The following MTX2 variants were observed in gnomAD, a reference collection of about 807,000 sequenced individuals.
MTX2 encodes metaxin 2.
MTX2 carries 35 observed loss-of-function variants against 42.3 expected under a neutral mutation model. The ratio of observed to expected loss-of-function variants is 0.83; its 90% CI spans 0.63 to 1.10. The LOEUF (loss-of-function observed/expected upper bound fraction) is 1.10. Ranked by LOEUF, MTX2 falls within the 50% of genes least tolerant of loss-of-function variation. The pLI is 0.00. For missense variants in MTX2, 307 were observed against 304.1 expected, an observed-to-expected ratio of 1.01 and a Z score of -0.07; for synonymous variants, 119 against 100.9, an observed-to-expected ratio of 1.18 and a Z score of -1.08.
intron 3 of MTX2, among the ~76,000 whole-genome samples, chr2:176,315,922 A>T (rs558040528): frequency 3.9e-5 from 6 of 152,144 alleles, no homozygotes; most frequent in Non-Finnish European, 5.9e-5. Flanking sequence ...TAATAGCCAT[A>T]CCTTTACACT....
At position 176,333,163 on chromosome 2, in the gene MTX2, A is replaced by G. The variant is rs944488434; in HGVS notation, c.620+2503A>G. Among the ~76,000 whole-genome samples the G allele has an allele frequency of 2.0e-5, 3 of 151,668 alleles. No individual in the cohort carries two copies. The East Asian group carries it at 5.8e-4, about 29-fold the overall frequency. On this transcript the variant is annotated intron_variant, in intron 9 of 9. Coordinates refer to ENST00000249442, the MANE Select transcript of MTX2 (RefSeq NM_006554.5). ...ATATTTTTCTAATAAAAAGTCTATA[A>G]AGATAAATGCAATAATATATGAAAC...
chr2:176,335,760 A>G (rs1159051940), intron 9 of MTX2, among the ~76,000 whole-genome samples: 1 of 152,034 alleles, frequency 6.6e-6, no homozygotes, highest in East Asian at 1.9e-4. Context: ...GGTTTGGGAT[A>G]CTGTAAATTA....
chr2:176,302,869 ATTAT>A (rs1684059388), intron 3 of MTX2, among the ~76,000 whole-genome samples: 1 of 152,194 alleles, frequency 6.6e-6, no homozygotes, highest in Non-Finnish European at 1.5e-5. Context: ...GGATGTATTA[ATTAT>A]TGGCTAATGC....
intron 3 of MTX2, among the ~76,000 whole-genome samples, chr2:176,298,112 T>C (rs1270152716): frequency 8.1e-6 from 1 of 123,832 alleles, no homozygotes. Context: ...AAAATAAACA[T>C]AAATTTTTTT....
In MTX2 at chr2:176,300,694, G is replaced by T. The variant is rs184393039; in HGVS notation, c.135+2799G>T. Among the ~76,000 whole-genome samples the T allele has an allele frequency of 5.8e-3, 881 of 152,030 alleles. 4 individuals carry two copies. Among genetic ancestry groups the T allele is most frequent in the African/African-American group, 0.02 (829 of 41,494 alleles). On this transcript the variant is annotated intron_variant, in intron 3 of 9. Coordinates refer to ENST00000249442, the MANE Select transcript of MTX2 (RefSeq NM_006554.5). Reference sequence around the variant, plus strand: ...CTGTCTTTTATAGAAGATTCCAATTGGTATCTGTTTCAAAAAACAGCAAAC... The same window carrying T: ...CTGTCTTTTATAGAAGATTCCAATTTGTATCTGTTTCAAAAAACAGCAAAC...
chr2:176,272,267 G>C (rs945021031), intron 1 of MTX2, among the ~76,000 whole-genome samples: 7 of 152,088 alleles, frequency 4.6e-5, no homozygotes, highest in Non-Finnish European at 1.0e-4. Flanking sequence ...GAGAGATGGG[G>C]AAGAGGAATG....
At chr2:176,329,478 A>C (rs771190567) in intron 8 of MTX2, 52 bp downstream of exon 8, 1 of 1,524,602 alleles carries the variant, frequency 6.6e-7, no homozygotes, top group East Asian at 2.4e-5. Flanking sequence ...CATTAAAAGA[A>C]TCATTCTTTA....
rs1169220505 is a variant in MTX2, at chr2:176,328,281, A to G, written c.286-12A>G. 6.6e-7 allele frequency: 1 copy of G among 1,513,454 alleles called. No individual in the cohort carries two copies. The highest frequency in any genetic ancestry group is 8.8e-7 in the Non-Finnish European group (1 of 1,133,864). 93.8% of individuals were successfully genotyped at this position (1,513,454 alleles called of 1,614,324 possible). On this transcript the variant is annotated splice_polypyrimidine_tract_variant and intron_variant, in intron 5 of 9. Transcript: ENST00000249442. ...TATGATGTTCTTTTAAATTTTTTTAAATTCCCTTTAGGGCCATTCTCTTAG... is the reference window on the plus strand; with the variant it reads ...TATGATGTTCTTTTAAATTTTTTTAGATTCCCTTTAGGGCCATTCTCTTAG...
chr2:176,287,160 A>G (rs1189707837), intron 1 of MTX2, among the ~76,000 whole-genome samples: 1 of 152,188 alleles, frequency 6.6e-6, no homozygotes, highest in Non-Finnish European at 1.5e-5. Flanking sequence ...TGATACCTCT[A>G]AAATAGAAGT....
intron 1 of MTX2, among the ~76,000 whole-genome samples, chr2:176,275,176 GAA>G (rs1320476380): frequency 6.6e-6 from 1 of 152,114 alleles, no homozygotes; most frequent in Admixed American, 6.6e-5. Flanking sequence ...AATATGGAAA[GAA>G]ATGGTAAGTT....
At chr2:176,329,911 GTCTA>G (rs1460177159) in intron 8 of MTX2, among the ~76,000 whole-genome samples, 120 of 149,948 alleles carry the variant, frequency 8.0e-4, no homozygotes, top group African/African-American at 1.2e-3. Flanking sequence ...CTGTCTATCT[GTCTA>G]TCTATCTGTC....
rs74940425 is a variant in MTX2, at chr2:176,297,571, G to A, written c.89-278G>A. On this transcript the variant is annotated intron_variant, in intron 2 of 9. Coordinates refer to ENST00000249442, the MANE Select transcript of MTX2 (RefSeq NM_006554.5). ...GATTTTACTTAATTTTAATGAAGAG[G>A]AACATTTCTTGAAAACTTGAAAAAT... Among the ~76,000 whole-genome samples, 570 of 152,148 alleles carry A rather than the reference G, an allele frequency of 3.7e-3. 6 individuals carry two copies. Among genetic ancestry groups the A allele is most frequent in the East Asian group, 0.035 (182 of 5,178 alleles).
intron 3 of MTX2, chr2:176,304,482 C>T (rs959598793): frequency 3.9e-5 from 6 of 151,942 alleles, no homozygotes; most frequent in Middle Eastern, 3.2e-3. Flanking sequence ...TAATCTGTTG[C>T]GTCAAGAATG....
chr2:176,336,260 G>A (rs1210196889), intron 9 of MTX2, among the ~76,000 whole-genome samples: 1 of 152,002 alleles, frequency 6.6e-6, no homozygotes, highest in Non-Finnish European at 1.5e-5. Context: ...TAGATCATTA[G>A]TAGTGGGGTA....
At position 176,336,641 on chromosome 2, in the gene MTX2, GA is replaced by G. The variant is rs1186538651; in HGVS notation, c.621-848del. Among the ~76,000 whole-genome samples, 11 of 152,134 alleles carry G rather than the reference GA, an allele frequency of 7.2e-5. No homozygotes were observed. The South Asian group carries it at 1.5e-3, about 20-fold the overall frequency. ...ATTGGAGATCTGCTATATTTAGTGA[GA>G]AAAGTAATGAATTAAATGAATATGA... On this transcript the variant is annotated intron_variant, in intron 9 of 9. Transcript: ENST00000249442.
intron 3 of MTX2, among the ~76,000 whole-genome samples, chr2:176,299,378 T>C (rs1206352500): frequency 6.6e-6 from 1 of 152,058 alleles, no homozygotes; most frequent in Non-Finnish European, 1.5e-5. Context: ...AAACTAACGT[T>C]TTAAATAACC....
chr2:176,279,968 GGTAAA>G (rs1396049567), intron 1 of MTX2, among the ~76,000 whole-genome samples: 2 of 152,136 alleles, frequency 1.3e-5, no homozygotes, highest in Non-Finnish European at 2.9e-5. Flanking sequence ...TTGTATCATA[GGTAAA>G]TGACTATTGG....
Position 176,329,369 on chromosome 2 carries a change from G to A in MTX2, c.486G>A (p.Gln162=). 1.2e-6 allele frequency: 2 copies of A among 1,607,990 alleles called. No individual in the cohort carries two copies. The highest frequency in any genetic ancestry group is 1.7e-6 in the Non-Finnish European group (2 of 1,175,854). The change falls in exon 8 of 10, where the codon CAG becomes CAA. Residue 162 remains glutamine, a synonymous_variant. Coordinates refer to ENST00000249442, the MANE Select transcript of MTX2 (RefSeq NM_006554.5). ...ATCATATTTTGGCCTATCAAAAACA[G>A]TGGGAAGTCAAACGTAAGATGAAAG... ...PLNHILAYQK[Q]WEVKRKMKAI...
intron 1 of MTX2, among the ~76,000 whole-genome samples, chr2:176,290,529 A>G (rs901073731): frequency 1.3e-5 from 2 of 152,166 alleles, no homozygotes; most frequent in African/African-American, 2.4e-5. Context: ...ACCTTGGGAA[A>G]GAGAAGAGTA....
Sources: gnomAD v4.1 joint callset for allele counts (sites outside exome capture counted in the v4.1 genomes callset) on GRCh38, gnomAD v4.1.1 for gene constraint, MANE v1.5 for transcripts, NCBI Gene and HGNC (gene_info 2026-07-23, HGNC 2026-07-21) for gene names.